Variants in CFTR observed in about 807,000 individuals in gnomAD.
CFTR encodes the protein cystic fibrosis transmembrane conductance regulator.
Under a neutral mutation model 171.6 loss-of-function variants are expected in CFTR, and 181 were observed. The ratio of observed to expected loss-of-function variants is 1.05; its 90% CI spans 0.93 to 1.19. The LOEUF (loss-of-function observed/expected upper bound fraction) is 1.19, where lower values mean the gene tolerates loss of function less well. Among genes scored for constraint, CFTR ranks in the 50% most tolerant of loss-of-function variants. The pLI is 0.00. For missense variants in CFTR, 1,968 were observed against 1,734.7 expected, an observed-to-expected ratio of 1.13 and a Z score of -2.39; for synonymous variants, 583 against 608.0, an observed-to-expected ratio of 0.96 and a Z score of 0.60.
At chr7:117,615,812 T>C (rs1792478743) in intron 21 of CFTR, among the ~76,000 whole-genome samples, 1 of 152,036 alleles carries the variant, frequency 6.6e-6, no homozygotes. Flanking sequence ...AATCAGACTA[T>C]ATGGTTGGTC....
At position 117,540,138 on chromosome 7, in the gene CFTR, G is replaced by T; in HGVS notation, c.908G>T (p.Arg303Ile). 3.1e-6 allele frequency: 5 copies of T among 1,613,542 alleles called. No homozygotes were observed. Among genetic ancestry groups the T allele is most frequent in the Non-Finnish European group, 4.2e-6 (5 of 1,179,504 alleles). ...LKLTRKAAYVRYFNSSAFFFS... is the reference protein window; with the variant it reads ...LKLTRKAAYVIYFNSSAFFFS... ...CTGACTCGGAAGGCAGCCTATGTGA[G>T]ATACTTCAATAGCTCAGCCTTCTTC... Residue 303 changes from arginine (R) to isoleucine (I), a missense_variant, in exon 8 of 27, where the codon AGA becomes ATA. Physicochemically the swap from Arg to Ile is moderately conservative, Grantham distance 97 (BLOSUM62 -3). Transcript: ENST00000003084.
rs1027825259 is a variant in CFTR at position 117,596,231 on chromosome 7, G to A, written c.2619+1173G>A. On this transcript the variant is annotated intron_variant, in intron 15 of 26. Transcript: ENST00000003084. The stretch of plus-strand genomic sequence containing the variant: ...GGTGGGTGTGGGCTGGGCAGGCCCC[G>A]CACTCGGAGCAGCCGGCCGGCCCCG... Among the ~76,000 whole-genome samples, 8 of 152,314 alleles carry A rather than the reference G, an allele frequency of 5.3e-5. No individual in the cohort carries two copies. In the East Asian group the frequency reaches 1.4e-3, roughly 26 times the overall value.
intron 22 of CFTR, among the ~76,000 whole-genome samples, chr7:117,640,806 G>A (rs1254314845): frequency 6.6e-6 from 1 of 152,140 alleles, no homozygotes; most frequent in Non-Finnish European, 1.5e-5. Context: ...TCCATTATTT[G>A]TTAGATCAGC....
At chr7:117,654,095 C>G (rs926311973) in intron 24 of CFTR, among the ~76,000 whole-genome samples, 41 of 152,310 alleles carry the variant, frequency 2.7e-4, no homozygotes, top group Non-Finnish European at 1.5e-4. Flanking sequence ...GAGGCTCTAT[C>G]CTCATGGATT....
At chr7:117,612,044 T>TATAC (rs1792412201) in intron 20 of CFTR, among the ~76,000 whole-genome samples, 1 of 75,970 alleles carries the variant, frequency 1.3e-5, no homozygotes, top group African/African-American at 6.0e-5. Flanking sequence ...TATATATATA[T>TATAC]ATATATATAC....
chr7:117,568,210 T>C (rs1202072176), intron 11 of CFTR, among the ~76,000 whole-genome samples: 2 of 152,124 alleles, frequency 1.3e-5, no homozygotes, highest in Non-Finnish European at 2.9e-5. Context: ...GAGATCTGAA[T>C]TGGGAGAGGA....
chr7:117,621,026 C>A (rs890476366), intron 21 of CFTR, among the ~76,000 whole-genome samples: 1 of 152,200 alleles, frequency 6.6e-6, no homozygotes, highest in African/African-American at 2.4e-5. Context: ...CGATTGAACC[C>A]GGGAGATGGA....
At chr7:117,550,099 G>A (rs890136603) in intron 10 of CFTR, among the ~76,000 whole-genome samples, 1 of 152,122 alleles carries the variant, frequency 6.6e-6, no homozygotes, top group African/African-American at 2.4e-5. Context: ...ACTTTTGGAG[G>A]CAGAGGCAGG....
intron 15 of CFTR, among the ~76,000 whole-genome samples, chr7:117,597,882 G>A (rs1792160227): frequency 6.6e-6 from 1 of 152,044 alleles, no homozygotes; most frequent in South Asian, 2.1e-4. Flanking sequence ...GATCCTCATC[G>A]ACACAAGAGG....
intron 3 of CFTR, among the ~76,000 whole-genome samples, chr7:117,522,992 A>T (rs1490724800): frequency 1.3e-5 from 2 of 152,154 alleles, no homozygotes; most frequent in African/African-American, 2.4e-5. Flanking sequence ...GGTGAGGTTT[A>T]TGTTGGTTTG....
intron 19 of CFTR, 29 bp from the exon 20 acceptor site, chr7:117,611,552 G>T (rs1008660631): frequency 7.9e-7 from 1 of 1,263,052 alleles, no homozygotes; most frequent in Non-Finnish European, 1.2e-6. Flanking sequence ...TATGTTATTT[G>T]CAATGTTTTC....
At chr7:117,548,956 G>A in intron 10 of CFTR, 133 bp downstream of exon 10, 1 of 1,278,856 alleles carries the variant, frequency 7.8e-7, no homozygotes, top group Non-Finnish European at 1.1e-6. Context: ...TGGGTGTAGT[G>A]TCTTGTATAA....
intron 9 of CFTR, among the ~76,000 whole-genome samples, chr7:117,543,830 A>G (rs999868617): frequency 1.3e-5 from 2 of 152,210 alleles, no homozygotes. Context: ...TGCGACTTCA[A>G]CGTCCATATA....
intron 11 of CFTR, among the ~76,000 whole-genome samples, chr7:117,581,163 A>G (rs1459197691): frequency 6.6e-6 from 1 of 152,150 alleles, no homozygotes; most frequent in Non-Finnish European, 1.5e-5. Flanking sequence ...GTCTGGGAAT[A>G]TCATGTCTAC....
In CFTR at chr7:117,592,223, T is replaced by A. The variant is rs1197122937; in HGVS notation, c.2056T>A (p.Ser686Thr). ...PVSWTETKKQSFKQTGEFGEK... is the reference protein window; with the variant it reads ...PVSWTETKKQTFKQTGEFGEK... ...CTCCTGGACAGAAACAAAAAAACAA[T>A]CTTTTAAACAGACTGGAGAGTTTGG... Residue 686 changes from serine (S) to threonine (T), a missense_variant, in exon 14 of 27, where the codon TCT becomes ACT. By Grantham distance (58) the Ser-to-Thr change is moderately conservative. Transcript: ENST00000003084. 3 of 1,613,728 alleles carry A rather than the reference T, an allele frequency of 1.9e-6. No homozygotes were observed. Among genetic ancestry groups the A allele is most frequent in the South Asian group, 2.2e-5 (2 of 91,084 alleles).
In CFTR at chr7:117,483,271, A is replaced by G. The variant is rs1158692447; in HGVS notation, c.53+3124A>G. ...ATAATTTTGGGTCTCTTATTATGAA[A>G]TTGCCTTTCTAAATAATACATAAAT... On this transcript the variant is annotated intron_variant, in intron 1 of 26. Coordinates refer to ENST00000003084, the MANE Select transcript of CFTR (RefSeq NM_000492.4). 3.3e-5 allele frequency among the ~76,000 whole-genome samples: 5 copies of G among 152,276 alleles called. No homozygotes were observed. In the East Asian group the frequency reaches 9.6e-4, roughly 29 times the overall value.
chr7:117,585,308 G>A (rs1368409205), intron 11 of CFTR, among the ~76,000 whole-genome samples: 1 of 151,550 alleles, frequency 6.6e-6, no homozygotes, highest in East Asian at 1.9e-4. Context: ...TTAATTGCCT[G>A]CACTGAGCTA....
intron 11 of CFTR, among the ~76,000 whole-genome samples, chr7:117,575,606 A>T (rs1011562871): frequency 2.0e-5 from 3 of 152,042 alleles, no homozygotes; most frequent in Non-Finnish European, 2.9e-5. Flanking sequence ...GAGATATGAG[A>T]CTTCTTTAGT....
At chr7:117,623,864 C>T (rs543733046) in intron 21 of CFTR, among the ~76,000 whole-genome samples, 4 of 152,266 alleles carry the variant, frequency 2.6e-5, no homozygotes, top group African/African-American at 4.8e-5. Flanking sequence ...ACGCTTTGAA[C>T]GAGGTTACTA....
Sources: allele counts gnomAD v4.1 joint callset (sites outside exome capture counted in the v4.1 genomes callset), GRCh38; gene constraint gnomAD v4.1.1; transcripts MANE v1.5; gene names NCBI Gene and HGNC (gene_info 2026-07-23, HGNC 2026-07-21).